DRC11: variants seen among roughly 807,000 people sequenced by gnomAD.
DRC11 encodes the protein dynein regulatory complex subunit 11.
chr2:236,329,051 T>C, the DRC11 span, among the ~76,000 whole-genome samples: 10 of 152,218 alleles, frequency 6.6e-5, no homozygotes, highest in Admixed American at 1.3e-4. Context: ...TTCTGGCTTG[T>C]GGCCCCTGCT....
At chr2:236,431,525 G>A in the DRC11 span, among the ~76,000 whole-genome samples, 1 of 152,078 alleles carries the variant, frequency 6.6e-6, no homozygotes, top group Non-Finnish European at 1.5e-5. The surrounding 1 kb of genome is among the most constrained non-coding windows in gnomAD (Gnocchi z 4.2). Context: ...CACAACAAAT[G>A]GGCAACATGG....
At chr2:236,329,870 G>C in the DRC11 span, among the ~76,000 whole-genome samples, 1 of 152,126 alleles carries the variant, frequency 6.6e-6, no homozygotes, top group Non-Finnish European at 1.5e-5. Context: ...CTCATCCCGG[G>C]TCATAAAAGG....
the DRC11 span, chr2:236,503,499 G>A: frequency 3.0e-5 from 28 of 927,980 alleles, no homozygotes; most frequent in Admixed American, 2.9e-4. This position sits in a 1 kb window ranked among gnomAD's most constrained non-coding sequence, Gnocchi z 4.9. Flanking sequence ...TGAGCCTTCC[G>A]GGTCCTGCCA....
chr2:236,491,186 C>T, the DRC11 span, among the ~76,000 whole-genome samples: 3 of 41,994 alleles, frequency 7.1e-5, no homozygotes, highest in East Asian at 3.6e-4. Context: ...TATATACACA[C>T]AGTATATATA....
At chr2:236,308,320 A>AC in the DRC11 span, among the ~76,000 whole-genome samples, 103 of 151,486 alleles carry the variant, frequency 6.8e-4, no homozygotes, top group African/African-American at 2.3e-3. The surrounding 1 kb of genome is among the most constrained non-coding windows in gnomAD (Gnocchi z 6.0). Flanking sequence ...CATCCAGGAG[A>AC]CCCCCCTTGG....
chr2:236,364,743 T>G, the DRC11 span, among the ~76,000 whole-genome samples: 1 of 152,324 alleles, frequency 6.6e-6, no homozygotes, highest in Non-Finnish European at 1.5e-5. Context: ...GAAAGTGCTG[T>G]GATCAAATCA....
At chr2:236,415,012 A>G in the DRC11 span, among the ~76,000 whole-genome samples, 8 of 152,250 alleles carry the variant, frequency 5.3e-5, no homozygotes, top group East Asian at 1.5e-3. This position sits in a 1 kb window ranked among gnomAD's most constrained non-coding sequence, Gnocchi z 5.7. Context: ...TGCACTTATA[A>G]TAGATTTTTT....
the DRC11 span, among the ~76,000 whole-genome samples, chr2:236,470,390 C>T: frequency 1.3e-5 from 2 of 152,116 alleles, no homozygotes; most frequent in South Asian, 2.1e-4. The surrounding 1 kb of genome is among the most constrained non-coding windows in gnomAD (Gnocchi z 5.1). Context: ...TGAAATTTCT[C>T]GCCATCGTCA....
the DRC11 span, among the ~76,000 whole-genome samples, chr2:236,454,169 C>A: frequency 6.6e-6 from 1 of 152,130 alleles, no homozygotes; most frequent in African/African-American, 2.4e-5. The surrounding 1 kb of genome is among the most constrained non-coding windows in gnomAD (Gnocchi z 5.3). Flanking sequence ...CCTGCGGGCC[C>A]ACAAAAAGAA....
the DRC11 span, among the ~76,000 whole-genome samples, chr2:236,329,562 C>T: frequency 1.3e-5 from 2 of 152,134 alleles, no homozygotes; most frequent in East Asian, 1.9e-4. Context: ...GTCGGAAGCA[C>T]AATTAGGTGA....
At chr2:236,443,626 G>A in the DRC11 span, among the ~76,000 whole-genome samples, 9 of 152,132 alleles carry the variant, frequency 5.9e-5, no homozygotes, top group African/African-American at 1.7e-4. The surrounding 1 kb of genome is among the most constrained non-coding windows in gnomAD (Gnocchi z 4.4). Context: ...TATTATTGAT[G>A]GGCATTTGAG....
chr2:236,307,502 C>A, the DRC11 span, among the ~76,000 whole-genome samples: 1 of 152,322 alleles, frequency 6.6e-6, no homozygotes, highest in South Asian at 2.1e-4. The surrounding 1 kb of genome is among the most constrained non-coding windows in gnomAD (Gnocchi z 7.0). Flanking sequence ...CTTGTCAAGA[C>A]AGCAACTTCC....
At chr2:236,358,300 AT>A in the DRC11 span, among the ~76,000 whole-genome samples, 1 of 131,732 alleles carries the variant, frequency 7.6e-6, no homozygotes, top group Non-Finnish European at 1.5e-5. Context: ...ATGAATATAT[AT>A]AATATATAGA....
chr2:236,498,172 C>T, the DRC11 span, among the ~76,000 whole-genome samples: 299 of 151,664 alleles, frequency 2.0e-3, no homozygotes, highest in Non-Finnish European at 3.3e-3. Flanking sequence ...GCAGGCTGGG[C>T]GTGGTGAGGT....
At chr2:236,374,515 G>A in the DRC11 span, among the ~76,000 whole-genome samples, 45 of 152,070 alleles carry the variant, frequency 3.0e-4, no homozygotes, top group Non-Finnish European at 5.4e-4. Flanking sequence ...TCACGGTTCC[G>A]CAGGTTATAC....
At chr2:236,366,402 G>T in the DRC11 span, among the ~76,000 whole-genome samples, 1 of 152,206 alleles carries the variant, frequency 6.6e-6, no homozygotes, top group African/African-American at 2.4e-5. Flanking sequence ...TTTATGACAG[G>T]ATGTTATTTT....
chr2:236,358,270 T>G, the DRC11 span, among the ~76,000 whole-genome samples: 5 of 132,780 alleles, frequency 3.8e-5, no homozygotes, highest in Non-Finnish European at 7.7e-5. Context: ...GAATATATAA[T>G]ATATAGATAT....
the DRC11 span, among the ~76,000 whole-genome samples, chr2:236,382,976 G>A: frequency 6.6e-6 from 1 of 152,124 alleles, no homozygotes; most frequent in Non-Finnish European, 1.5e-5. Flanking sequence ...CTTACATCAA[G>A]TATGGGACAT....
chr2:236,327,686 T>C, the DRC11 span, among the ~76,000 whole-genome samples: 8 of 152,124 alleles, frequency 5.3e-5, no homozygotes, highest in Non-Finnish European at 1.2e-4. Context: ...CTGAGTTATT[T>C]ATTTATTTAT....
Sources: gnomAD v4.1 joint callset for allele counts (sites outside exome capture counted in the v4.1 genomes callset) on GRCh38, gnomAD v4.1.1 for gene constraint, Gnocchi (gnomAD v3.1) non-coding constraint, MANE v1.5 for transcripts, NCBI Gene and HGNC (gene_info 2026-07-23, HGNC 2026-07-21) for gene names.